TMOD1: variants seen among roughly 807,000 people sequenced by gnomAD.
TMOD1 encodes tropomodulin-1.
In TMOD1, 17 loss-of-function variants were observed where a neutral mutation model predicts 40.6. The ratio of observed to expected loss-of-function variants is 0.42; its 90% CI spans 0.29 to 0.63. The LOEUF is 0.63. TMOD1 is among the 20% of genes least tolerant of loss of function. TMOD1 has a pLI of 0.22. For missense variants in TMOD1, 391 were observed against 447.6 expected (o/e 0.87, Z 1.14); for synonymous variants, 181 against 175.0 (o/e 1.03, Z -0.27).
intron 6 of TMOD1, among the ~76,000 whole-genome samples, chr9:97,565,285 C>T (rs1047802638): frequency 1.3e-5 from 2 of 152,322 alleles, no homozygotes; most frequent in East Asian, 3.9e-4. Flanking sequence ...CCAGGCCTGA[C>T]CCTAGAGATT....
At chr9:97,580,971 T>TTTTTATTTTA (rs57396096) in intron 8 of TMOD1, among the ~76,000 whole-genome samples, 112,279 of 132,212 alleles carry the variant, frequency 0.85, 47,656 homozygotes, top group African/African-American at 0.89. Context: ...GCATAATTCT[T>TTTTTATTTTA]TTTTATTTTA....
chr9:97,585,365 G>A lies in TMOD1; in HGVS notation c.871-5926G>A, dbSNP rs879573393. On this transcript the variant is annotated intron_variant, in intron 8 of 9. Transcript: ENST00000259365. ...TCTTCTGGCTTGTAGGGTTTCTGCCGAGAGATCCGCTGTTAGTCTGATGGG... is the reference window on the plus strand; with the variant it reads ...TCTTCTGGCTTGTAGGGTTTCTGCCAAGAGATCCGCTGTTAGTCTGATGGG... 8.9e-3 allele frequency among the ~76,000 whole-genome samples: 1,348 copies of A among 151,832 alleles called. 8 individuals carry two copies. The highest frequency in any genetic ancestry group is 0.028 in the Middle Eastern group (8 of 290).
intron 4 of TMOD1, among the ~76,000 whole-genome samples, chr9:97,556,672 C>T (rs1228800741): frequency 6.6e-6 from 1 of 152,190 alleles, no homozygotes; most frequent in Non-Finnish European, 1.5e-5. Context: ...TCCACCCTCA[C>T]AGAGTCTACA....
intron 8 of TMOD1, among the ~76,000 whole-genome samples, chr9:97,576,297 T>C (rs1830938095): frequency 6.6e-6 from 1 of 151,822 alleles, no homozygotes; most frequent in Admixed American, 6.6e-5. Flanking sequence ...TAAAGGAAAT[T>C]AGCCAGACAT....
intron 8 of TMOD1, among the ~76,000 whole-genome samples, chr9:97,578,971 T>G (rs1434849754): frequency 6.6e-6 from 1 of 152,146 alleles, no homozygotes; most frequent in Non-Finnish European, 1.5e-5. Context: ...TCTTGGGGCC[T>G]CAGATGGTTG....
At chr9:97,556,927 G>C (rs915195514) in intron 4 of TMOD1, among the ~76,000 whole-genome samples, 4 of 152,130 alleles carry the variant, frequency 2.6e-5, no homozygotes, top group Admixed American at 2.6e-4. Context: ...TGGCCTGGCA[G>C]GCTTGCTATC....
chr9:97,532,371 T>A (rs970011717), intron 2 of TMOD1, among the ~76,000 whole-genome samples: 7 of 151,862 alleles, frequency 4.6e-5, no homozygotes, highest in African/African-American at 1.7e-4. Context: ...AACCCCTCAC[T>A]TCCTCACATT....
intron 1 of TMOD1, among the ~76,000 whole-genome samples, chr9:97,504,005 G>A (rs1475774241): frequency 6.6e-6 from 1 of 152,186 alleles, no homozygotes; most frequent in Non-Finnish European, 1.5e-5. Context: ...GTCACTTGCT[G>A]TGGAGAGACA....
chr9:97,599,551 T>C, intron 9 of TMOD1, 83 bp from the exon 10 acceptor site: 2 of 1,576,080 alleles, frequency 1.3e-6, no homozygotes, highest in Non-Finnish European at 1.7e-6. Context: ...TAGTGCGAGG[T>C]TTCACAGTGC....
intron 1 of TMOD1, among the ~76,000 whole-genome samples, chr9:97,511,680 G>T (rs1263334732): frequency 1.3e-5 from 2 of 152,184 alleles, no homozygotes; most frequent in African/African-American, 2.4e-5. Flanking sequence ...TTCCTCCTGG[G>T]CTAAAGCAAT....
At chr9:97,528,194 G>C (rs1830045740) in intron 2 of TMOD1, among the ~76,000 whole-genome samples, 1 of 152,172 alleles carries the variant, frequency 6.6e-6, no homozygotes, top group African/African-American at 2.4e-5. Context: ...CACTCCACTT[G>C]TGCTACTGGA....
intron 7 of TMOD1, among the ~76,000 whole-genome samples, chr9:97,567,860 G>A (rs955100130): frequency 6.6e-6 from 1 of 152,156 alleles, no homozygotes; most frequent in African/African-American, 2.4e-5. Context: ...GGGGCGACGG[G>A]GTAGGTATTC....
intron 6 of TMOD1, among the ~76,000 whole-genome samples, chr9:97,564,607 T>C (rs1160768390): frequency 2.0e-5 from 3 of 152,236 alleles, no homozygotes; most frequent in African/African-American, 7.2e-5. Context: ...CCATCGCTGC[T>C]GCTATATCAC....
At chr9:97,593,481 C>G (rs922695562) in intron 9 of TMOD1, among the ~76,000 whole-genome samples, 2 of 152,076 alleles carry the variant, frequency 1.3e-5, no homozygotes, top group African/African-American at 4.8e-5. Context: ...TAGGCAGCAG[C>G]TCAGTCAGGT....
chr9:97,589,117 CAAAA>C (rs755141854), intron 8 of TMOD1, among the ~76,000 whole-genome samples: 1,072 of 67,488 alleles, frequency 0.016, 11 homozygotes, highest in African/African-American at 0.048. Flanking sequence ...GACTCTGTCT[CAAAA>C]AAAAAAAAAA....
At chr9:97,588,638 A>G (rs1564000063) in intron 8 of TMOD1, among the ~76,000 whole-genome samples, 1 of 152,176 alleles carries the variant, frequency 6.6e-6, no homozygotes, top group Admixed American at 6.5e-5. Context: ...CTTTTAATCA[A>G]TTTGGTAATA....
At chr9:97,576,533 A>C (rs1341957391) in intron 8 of TMOD1, among the ~76,000 whole-genome samples, 3 of 152,212 alleles carry the variant, frequency 2.0e-5, no homozygotes, top group Non-Finnish European at 4.4e-5. Flanking sequence ...GAATTCATTT[A>C]AACAAGAAAC....
chr9:97,537,306 G>A (rs1399197645), intron 2 of TMOD1, among the ~76,000 whole-genome samples: 1 of 152,246 alleles, frequency 6.6e-6, no homozygotes, highest in African/African-American at 2.4e-5. Flanking sequence ...GTGCACATGT[G>A]TGATCGTGCG....
At chr9:97,560,469 G>A (rs1439382065) in intron 4 of TMOD1, among the ~76,000 whole-genome samples, 1 of 151,912 alleles carries the variant, frequency 6.6e-6, no homozygotes, top group Non-Finnish European at 1.5e-5. Context: ...AATATTGAAT[G>A]GGGCGTACTT....
Sources: gnomAD v4.1 joint callset for allele counts (sites outside exome capture counted in the v4.1 genomes callset) on GRCh38, gnomAD v4.1.1 for gene constraint, MANE v1.5 for transcripts, NCBI Gene and HGNC (gene_info 2026-07-23, HGNC 2026-07-21) for gene names.